Variants in NELL1 observed in about 807,000 individuals in gnomAD.
The protein encoded by NELL1 is neural EGFL like 1, also known as protein kinase C-binding protein NELL1.
In NELL1, 76 loss-of-function variants were observed where a neutral mutation model predicts 107.4. The observed-to-expected ratio is 0.71, with a 90% CI of 0.59 to 0.86. NELL1 has a LOEUF of 0.86. Among genes scored for constraint, NELL1 ranks in the 40% least tolerant of loss-of-function variants. The pLI is 0.00. For synonymous variants in NELL1, 353 were observed against 341.2 expected (o/e 1.03, Z -0.38); for missense variants, 1,024 against 1,005.5 (o/e 1.02, Z -0.25).
intron 12 of NELL1, among the ~76,000 whole-genome samples, chr11:21,001,986 C>T (rs991948652): frequency 6.6e-6 from 1 of 152,184 alleles, no homozygotes; most frequent in East Asian, 1.9e-4. Flanking sequence ...AGCCTTAGTA[C>T]CCCTGTAATA....
At chr11:21,288,497 G>A (rs1373770532) in intron 14 of NELL1, among the ~76,000 whole-genome samples, 1 of 152,094 alleles carries the variant, frequency 6.6e-6, no homozygotes, top group Non-Finnish European at 1.5e-5. Flanking sequence ...TTTGGTTACT[G>A]GTCTTACAAA....
intron 14 of NELL1, among the ~76,000 whole-genome samples, chr11:21,326,239 T>C (rs1176518913): frequency 6.6e-6 from 1 of 150,866 alleles, no homozygotes; most frequent in Non-Finnish European, 1.5e-5. Flanking sequence ...ATGAACAGAA[T>C]AGTTTTTACT....
chr11:21,088,848 T>C (rs1248201044), intron 12 of NELL1, among the ~76,000 whole-genome samples: 1 of 152,168 alleles, frequency 6.6e-6, no homozygotes, highest in Non-Finnish European at 1.5e-5. Flanking sequence ...AGGTACGAAG[T>C]CCTTCAAAAT....
At chr11:21,075,373 C>T (rs1854110545) in intron 12 of NELL1, among the ~76,000 whole-genome samples, 1 of 152,146 alleles carries the variant, frequency 6.6e-6, no homozygotes, top group Non-Finnish European at 1.5e-5. Context: ...TCTTTATTTA[C>T]ACATGCCTGT....
chr11:21,340,177 G>C (rs750316718), intron 14 of NELL1, among the ~76,000 whole-genome samples: 9 of 152,102 alleles, frequency 5.9e-5, no homozygotes, highest in Non-Finnish European at 1.2e-4. Context: ...TTTTGAGACG[G>C]AGTCTCACTC....
chr11:20,707,736 G>T (rs944113033), intron 2 of NELL1, among the ~76,000 whole-genome samples: 3 of 152,206 alleles, frequency 2.0e-5, no homozygotes, highest in African/African-American at 7.2e-5. Context: ...TGGAAGCTTT[G>T]TCTCAGAGGG....
At chr11:21,325,192 T>C (rs936902028) in intron 14 of NELL1, among the ~76,000 whole-genome samples, 36 of 152,146 alleles carry the variant, frequency 2.4e-4, no homozygotes, top group African/African-American at 8.4e-4. Flanking sequence ...GTAGTATGAC[T>C]ACTTTAATCT....
intron 15 of NELL1, among the ~76,000 whole-genome samples, chr11:21,405,538 AG>A (rs1318535775): frequency 1.3e-5 from 2 of 152,016 alleles, no homozygotes; most frequent in East Asian, 3.9e-4. Flanking sequence ...CTGGGCCATA[AG>A]AAAGTTGGCC....
intron 16 of NELL1, among the ~76,000 whole-genome samples, chr11:21,552,425 A>C (rs909293466): frequency 1.7e-4 from 26 of 151,788 alleles, no homozygotes; most frequent in African/African-American, 6.0e-4. Flanking sequence ...TTTGTTAGTG[A>C]CCTACTTTGG....
At chr11:21,351,844 A>G (rs1347606113) in intron 14 of NELL1, among the ~76,000 whole-genome samples, 1 of 152,160 alleles carries the variant, frequency 6.6e-6, no homozygotes, top group Non-Finnish European at 1.5e-5. Flanking sequence ...ATTGAAACCT[A>G]AGTAACATAA....
chr11:21,370,427 G>T (rs998520269), intron 14 of NELL1, among the ~76,000 whole-genome samples: 1 of 151,868 alleles, frequency 6.6e-6, no homozygotes, highest in Non-Finnish European at 1.5e-5. Flanking sequence ...CTTTTTTAAA[G>T]AACATAAAAG....
At chr11:21,530,974 G>A (rs1023609014) in intron 15 of NELL1, among the ~76,000 whole-genome samples, 1 of 152,066 alleles carries the variant, frequency 6.6e-6, no homozygotes, top group Non-Finnish European at 1.5e-5. Context: ...TCCCTAGCAA[G>A]GTAAACCTGC....
At chr11:21,143,955 C>A (rs921525546) in intron 13 of NELL1, among the ~76,000 whole-genome samples, 1 of 152,060 alleles carries the variant, frequency 6.6e-6, no homozygotes, top group Admixed American at 6.6e-5. Flanking sequence ...ATGGGGCCAC[C>A]AGTAACAGGA....
At chr11:20,772,256 G>A (rs1008661619) in intron 2 of NELL1, among the ~76,000 whole-genome samples, 10 of 152,166 alleles carry the variant, frequency 6.6e-5, no homozygotes, top group Admixed American at 3.9e-4. Context: ...GTGTTGCTAC[G>A]TAGGGGAGGC....
chr11:21,506,957 T>G (rs900667404), intron 15 of NELL1, among the ~76,000 whole-genome samples: 3 of 152,166 alleles, frequency 2.0e-5, no homozygotes, highest in Admixed American at 2.0e-4. Context: ...TTACATCATA[T>G]ATTGGATGCA....
At chr11:21,560,050 A>T (rs949067239) in intron 16 of NELL1, 139 bp from the exon 17 acceptor site, 25 of 762,520 alleles carry the variant, frequency 3.3e-5, no homozygotes, top group Middle Eastern at 3.3e-4. Context: ...TAAATGAGAT[A>T]ATACATGTGA....
intron 14 of NELL1, among the ~76,000 whole-genome samples, chr11:21,240,588 A>T (rs1022759722): frequency 6.6e-6 from 1 of 152,000 alleles, no homozygotes; most frequent in Admixed American, 6.6e-5. Flanking sequence ...TAGACACAGA[A>T]GCTGTATTTT....
intron 12 of NELL1, among the ~76,000 whole-genome samples, chr11:21,015,004 C>T (rs1878304): frequency 0.2 from 30,902 of 152,078 alleles, 3,338 homozygotes; most frequent in Middle Eastern, 0.34. Flanking sequence ...TCACTGAACA[C>T]ACTTGTTCAC....
intron 12 of NELL1, among the ~76,000 whole-genome samples, chr11:21,037,350 A>G (rs1565027125): frequency 6.6e-6 from 1 of 152,028 alleles, no homozygotes; most frequent in East Asian, 1.9e-4. Flanking sequence ...ACTCTATGTT[A>G]ATTTTTTGGA....
Sources: gnomAD v4.1 joint callset for allele counts (sites outside exome capture counted in the v4.1 genomes callset) on GRCh38, gnomAD v4.1.1 for gene constraint, MANE v1.5 for transcripts, NCBI Gene and HGNC (gene_info 2026-07-23, HGNC 2026-07-21) for gene names.